The following PHACTR2 variants were observed in gnomAD, a reference collection of about 807,000 sequenced individuals.
The protein encoded by PHACTR2 is chromosome 6 open reading frame 56.
A neutral mutation model predicts 76.0 loss-of-function variants in PHACTR2; 30 were observed. That is an observed-to-expected ratio of 0.39 (90% CI 0.30 to 0.54). PHACTR2 has a LOEUF of 0.54. Ranked by LOEUF, PHACTR2 falls within the 20% of genes least tolerant of loss-of-function variation. The pLI is 0.61. For synonymous variants in PHACTR2, 292 were observed against 292.5 expected (o/e 1.00, Z 0.02); for missense variants, 696 against 781.1 (o/e 0.89, Z 1.30).
rs1776238513 is a variant in PHACTR2 at position 143,813,835 on chromosome 6, T to TA, written c.1922+6703dup. Reference sequence around the variant, plus strand: ...TCATGTTGAGACTGAGATATTCACATACAGTGACCCTTGAACAACCTGGGT... The same window carrying TA: ...TCATGTTGAGACTGAGATATTCACATAACAGTGACCCTTGAACAACCTGGGT... On this transcript the variant is annotated intron_variant, in intron 12 of 12. Transcript: ENST00000440869. 2.0e-5 allele frequency among the ~76,000 whole-genome samples: 3 copies of TA among 152,242 alleles called. No homozygotes were observed. The East Asian group carries it at 5.8e-4, about 29-fold the overall frequency.
At chr6:143,770,722 G>T (rs895965999) in intron 6 of PHACTR2, among the ~76,000 whole-genome samples, 1 of 151,920 alleles carries the variant, frequency 6.6e-6, no homozygotes, top group Non-Finnish European at 1.5e-5. Context: ...AGCAATTTGG[G>T]GGATCTTTGT....
intron 1 of PHACTR2, among the ~76,000 whole-genome samples, chr6:143,642,100 C>T (rs956203386): frequency 6.6e-6 from 1 of 152,154 alleles, no homozygotes; most frequent in African/African-American, 2.4e-5. Flanking sequence ...ATTCCACATA[C>T]TATAGTCCCA....
At chr6:143,717,063 T>C (rs961516151) in intron 2 of PHACTR2, among the ~76,000 whole-genome samples, 13 of 152,296 alleles carry the variant, frequency 8.5e-5, no homozygotes, top group African/African-American at 2.6e-4. Flanking sequence ...ACTCCTCAGC[T>C]CTTCTCAGTT....
rs1418860443 is a variant in PHACTR2, at chr6:143,697,154, T to C, written c.47-14862T>C. Among the ~76,000 whole-genome samples the C allele has an allele frequency of 6.6e-6, 1 of 152,250 alleles. No individual in the cohort carries two copies. The highest frequency in any genetic ancestry group is 1.5e-5 in the Non-Finnish European group (1 of 68,036). ...TTAATTTCAGATTAAAATGGTTTTA[T>C]AGTTTTCTATATTGTTCCACTGTTT... On this transcript the variant is annotated intron_variant, in intron 1 of 12. Transcript: ENST00000440869. The surrounding 1 kb of genome is among the most constrained non-coding windows in gnomAD (Gnocchi z 4.4).
chr6:143,654,353 A>T lies in PHACTR2; in HGVS notation c.13+46031A>T, dbSNP rs780130704. Reference sequence around the variant, plus strand: ...TTCTACTTCTAGGTATATACCCAAAAAAATGAAAACATATATTCACCAGAA... The same window carrying T: ...TTCTACTTCTAGGTATATACCCAAATAAATGAAAACATATATTCACCAGAA... On this transcript the variant is annotated intron_variant, in intron 1 of 11. Transcript: ENST00000305766. This position sits in a 1 kb window ranked among gnomAD's most constrained non-coding sequence, Gnocchi z 4.6. Among the ~76,000 whole-genome samples the T allele has an allele frequency of 1.8e-4, 28 of 152,234 alleles. No homozygotes were observed. Among genetic ancestry groups the T allele is most frequent in the Non-Finnish European group, 3.8e-4 (26 of 68,040 alleles).
intron 1 of PHACTR2, among the ~76,000 whole-genome samples, chr6:143,544,868 C>T (rs142543902): frequency 1.8e-4 from 28 of 151,924 alleles, no homozygotes; most frequent in African/African-American, 4.6e-4. Context: ...TAGCCTAAAA[C>T]GATTTTTTAA....
intron 1 of PHACTR2, among the ~76,000 whole-genome samples, chr6:143,635,677 T>A (rs1258188934): frequency 6.6e-6 from 1 of 152,234 alleles, no homozygotes; most frequent in Non-Finnish European, 1.5e-5. Context: ...CGTATGTACT[T>A]CTTTTCTGTG....
intron 7 of PHACTR2, 112 bp from the exon 8 acceptor site, chr6:143,773,947 T>G: frequency 6.7e-6 from 5 of 742,536 alleles, no homozygotes; most frequent in African/African-American, 1.8e-5. Flanking sequence ...TCCTCCTGCA[T>G]GAGGAGAAAG....
At position 143,820,427 on chromosome 6, in the gene PHACTR2, A is replaced by G. The variant is rs911842163; in HGVS notation, c.1923-3247A>G. Among the ~76,000 whole-genome samples, 1 of 152,218 alleles carries G rather than the reference A, an allele frequency of 6.6e-6. No individual in the cohort carries two copies. Among genetic ancestry groups the G allele is most frequent in the African/African-American group, 2.4e-5 (1 of 41,452 alleles). ...TGGTGGAGATCTATACTGGGTAAAC[A>G]TTCCCGTTCCCAAAGGGAGAAATCA... On this transcript the variant is annotated intron_variant, in intron 12 of 12. Coordinates refer to ENST00000440869, the MANE Select transcript of PHACTR2 (RefSeq NM_001100164.2). This position sits in a 1 kb window ranked among gnomAD's most constrained non-coding sequence, Gnocchi z 4.2.
chr6:143,674,749 G>T (rs753730109), upstream of PHACTR2, among the ~76,000 whole-genome samples: 1 of 152,156 alleles, frequency 6.6e-6, no homozygotes, highest in Admixed American at 6.5e-5. The surrounding 1 kb of genome is among the most constrained non-coding windows in gnomAD (Gnocchi z 4.9). Context: ...TCTGAGGAAG[G>T]TTCCTTCTTC....
Position 143,730,423 on chromosome 6 carries a change from C to A in PHACTR2, c.214+18240C>A, listed in dbSNP as rs964195378. ...AGTATTTGTTTTCTTTATTTTTTAG[C>A]TACTGTAAATTATATATATTTTTAA... is the stretch of plus-strand genomic sequence containing the variant. On this transcript the variant is annotated intron_variant, in intron 2 of 12. Coordinates refer to ENST00000440869, the MANE Select transcript of PHACTR2 (RefSeq NM_001100164.2). This position sits in a 1 kb window ranked among gnomAD's most constrained non-coding sequence, Gnocchi z 4.8. Among the ~76,000 whole-genome samples, 4 of 152,030 alleles carry A rather than the reference C, an allele frequency of 2.6e-5. No individual in the cohort carries two copies. The highest frequency in any genetic ancestry group is 9.7e-5 in the African/African-American group (4 of 41,376).
In PHACTR2 at chr6:143,780,421, G is replaced by A. The variant is rs1159480321; in HGVS notation, c.1646-2798G>A. Reference sequence around the variant, plus strand: ...GATGCCAGGAGTTTGAGACCAGCCTGGGCAATATAGTGAGATCTCATCTCC... The same window carrying A: ...GATGCCAGGAGTTTGAGACCAGCCTAGGCAATATAGTGAGATCTCATCTCC... On this transcript the variant is annotated intron_variant, in intron 9 of 12. Coordinates refer to ENST00000440869, the MANE Select transcript of PHACTR2 (RefSeq NM_001100164.2). This position sits in a 1 kb window ranked among gnomAD's most constrained non-coding sequence, Gnocchi z 4.4. Among the ~76,000 whole-genome samples the A allele has an allele frequency of 6.6e-6, 1 of 151,950 alleles. No homozygotes were observed. The highest frequency in any genetic ancestry group is 2.4e-5 in the African/African-American group (1 of 41,354).
intron 2 of PHACTR2, among the ~76,000 whole-genome samples, chr6:143,727,893 T>G (rs1778609648): frequency 6.6e-6 from 1 of 152,194 alleles, no homozygotes; most frequent in African/African-American, 2.4e-5. Context: ...TAATGCTGAA[T>G]GGGGAAAAGT....
rs542576604 is a variant in PHACTR2 at position 143,537,552 on chromosome 6, G to A, written c.217+345G>A. Among the ~76,000 whole-genome samples the A allele has an allele frequency of 3.3e-4, 51 of 152,322 alleles. No homozygotes were observed. Among genetic ancestry groups the A allele is most frequent in the South Asian group, 8.3e-4 (4 of 4,828 alleles). On this transcript the variant is annotated intron_variant, in intron 1 of 11. Coordinates refer to the PHACTR2 transcript ENST00000367584. This position sits in a 1 kb window ranked among gnomAD's most constrained non-coding sequence, Gnocchi z 4.4. ...TCCGAGGCTTTTCCATCAGAAAGAGGAACATTCTCGGTCTTCGGCGCGACT... is the reference window on the plus strand; with the variant it reads ...TCCGAGGCTTTTCCATCAGAAAGAGAAACATTCTCGGTCTTCGGCGCGACT...
At position 143,775,992 on chromosome 6, in the gene PHACTR2, A is replaced by G. The variant is rs964187694; in HGVS notation, c.1590-1336A>G. Among the ~76,000 whole-genome samples the G allele has an allele frequency of 2.6e-5, 4 of 152,170 alleles. No homozygotes were observed. The highest frequency in any genetic ancestry group is 7.2e-5 in the African/African-American group (3 of 41,444). ...CTAAAAATACAAATATTAGCCAGCT[A>G]TGATGACTGGCACCTGTAATCCCAG... On this transcript the variant is annotated intron_variant, in intron 8 of 12. Coordinates refer to ENST00000440869, the MANE Select transcript of PHACTR2 (RefSeq NM_001100164.2). This position sits in a 1 kb window ranked among gnomAD's most constrained non-coding sequence, Gnocchi z 4.4.
At chr6:143,690,825 A>C (rs970823684) in intron 1 of PHACTR2, among the ~76,000 whole-genome samples, 2 of 152,216 alleles carry the variant, frequency 1.3e-5, no homozygotes, top group African/African-American at 4.8e-5. Flanking sequence ...TACTGTGATA[A>C]TAATGTGCTG....
In PHACTR2 at chr6:143,765,305, GCTTCGCCATCCA is replaced by G; in HGVS notation, c.744_755del (p.Pro249_Ser252del). ...AAAAACAACTGGCTCTAAAGCATCAGCTTCGCCATCCACTTCATCCACCTCATCTCGTCCCAA... is the reference window on the plus strand; with the variant it reads ...AAAAACAACTGGCTCTAAAGCATCAGCTTCATCCACCTCATCTCGTCCCAA... On this transcript the variant is annotated inframe_deletion, in exon 6 of 13. Transcript: ENST00000440869. The surrounding 1 kb of genome is among the most constrained non-coding windows in gnomAD (Gnocchi z 4.1). 2 of 1,614,166 alleles carry G rather than the reference GCTTCGCCATCCA, an allele frequency of 1.2e-6. No individual in the cohort carries two copies. The highest frequency in any genetic ancestry group is 1.7e-6 in the Non-Finnish European group (2 of 1,180,034).
At chr6:143,544,946 G>GTTTTT (rs150283208) in intron 1 of PHACTR2, among the ~76,000 whole-genome samples, 1 of 146,534 alleles carries the variant, frequency 6.8e-6, no homozygotes. Flanking sequence ...AGAGATTTTT[G>GTTTTT]TTTTTTTTTT....
chr6:143,693,330 C>T (rs767055352), intron 1 of PHACTR2, among the ~76,000 whole-genome samples: 1 of 152,108 alleles, frequency 6.6e-6, no homozygotes, highest in Non-Finnish European at 1.5e-5. Context: ...CTCCACTTCC[C>T]AGGTTCCAGC....
Sources: gnomAD v4.1 joint callset for allele counts (sites outside exome capture counted in the v4.1 genomes callset) on GRCh38, gnomAD v4.1.1 for gene constraint, Gnocchi (gnomAD v3.1) non-coding constraint, MANE v1.5 for transcripts, NCBI Gene and HGNC (gene_info 2026-07-23, HGNC 2026-07-21) for gene names.